Variants in CLSTN2 observed in about 807,000 individuals in gnomAD.
CLSTN2 encodes calsyntenin-2.
A neutral mutation model predicts 101.2 loss-of-function variants in CLSTN2; 48 were observed. The observed-to-expected ratio is 0.47, with a 90% CI of 0.38 to 0.60. CLSTN2 has a LOEUF of 0.60. Among genes scored for constraint, CLSTN2 ranks in the 20% least tolerant of loss-of-function variants. CLSTN2 has a pLI of 0.00. For synonymous variants in CLSTN2, 481 were observed against 463.6 expected, an observed-to-expected ratio of 1.04 and a Z score of -0.48; for missense variants, 1,160 against 1,238.2, an observed-to-expected ratio of 0.94 and a Z score of 0.95.
chr3:140,464,264 T>G (rs1933633452), intron 7 of CLSTN2, among the ~76,000 whole-genome samples: 1 of 152,330 alleles, frequency 6.6e-6, no homozygotes, highest in East Asian at 1.9e-4. Flanking sequence ...CTTTCCCTAT[T>G]GTGGGCCACC....
Position 139,935,302 on chromosome 3 carries a change from G to A in CLSTN2, c.-73G>A, listed in dbSNP as rs922833496. On this transcript the variant is annotated 5_prime_UTR_variant, in exon 1 of 17. Transcript: ENST00000458420. The surrounding 1 kb of genome is among the most constrained non-coding windows in gnomAD (Gnocchi z 5.5). ...GGCACGGCGAGGCGGCCCACGGTGC[G>A]GCAGGCACCGGGAGGCGAGAGCCGG... 8 of 802,826 alleles carry A rather than the reference G, an allele frequency of 1.0e-5. No individual in the cohort carries two copies. Among genetic ancestry groups the A allele is most frequent in the African/African-American group, 1.8e-5 (1 of 55,934 alleles). The allele number at this position is 802,826 out of a possible 1,614,324, so 49.7% of individuals were successfully genotyped here. A position where few individuals can be genotyped will look rare whatever the true frequency, so the allele number is the denominator to read the frequency against.
At position 140,022,086 on chromosome 3, in the gene CLSTN2, A is replaced by C. The variant is rs572577871; in HGVS notation, c.109+86603A>C. ...AACTCTGGGTCCTCCAGTGTGGAGGACTCACTGGGCAGCAGTGGGAATGGG... is the reference window on the plus strand; with the variant it reads ...AACTCTGGGTCCTCCAGTGTGGAGGCCTCACTGGGCAGCAGTGGGAATGGG... On this transcript the variant is annotated intron_variant, in intron 1 of 16. Transcript: ENST00000458420. Among the ~76,000 whole-genome samples, 19 of 152,096 alleles carry C rather than the reference A, an allele frequency of 1.2e-4. No homozygotes were observed. In the South Asian group the frequency reaches 3.9e-3, roughly 32 times the overall value.
At chr3:139,984,941 C>T (rs904548538) in intron 1 of CLSTN2, among the ~76,000 whole-genome samples, 3 of 152,300 alleles carry the variant, frequency 2.0e-5, no homozygotes, top group African/African-American at 2.4e-5. Flanking sequence ...ACCACAGCTG[C>T]TCCAGCCAAA....
chr3:139,977,804 A>G (rs1935845700), intron 1 of CLSTN2, among the ~76,000 whole-genome samples: 1 of 152,208 alleles, frequency 6.6e-6, no homozygotes, highest in African/African-American at 2.4e-5. Context: ...GCTTCTGTAT[A>G]CTGGCCAGGG....
At chr3:140,497,639 G>A (rs1698146393) in intron 8 of CLSTN2, among the ~76,000 whole-genome samples, 1 of 152,162 alleles carries the variant, frequency 6.6e-6, no homozygotes, top group East Asian at 1.9e-4. Flanking sequence ...TCCACAGAAC[G>A]ACACTTCTCA....
intron 1 of CLSTN2, among the ~76,000 whole-genome samples, chr3:139,938,010 G>T (rs1191243303): frequency 2.0e-5 from 3 of 151,936 alleles, no homozygotes; most frequent in Non-Finnish European, 4.4e-5. Flanking sequence ...CAATGCACTT[G>T]CATTTTATGT....
intron 2 of CLSTN2, among the ~76,000 whole-genome samples, chr3:140,244,093 A>G (rs1489903697): frequency 2.0e-5 from 3 of 152,222 alleles, no homozygotes; most frequent in African/African-American, 7.2e-5. Flanking sequence ...GTGCTAAGGG[A>G]AGAAGCGCTT....
At chr3:140,424,937 A>G (rs1338519708) in intron 5 of CLSTN2, among the ~76,000 whole-genome samples, 2 of 151,224 alleles carry the variant, frequency 1.3e-5, no homozygotes, top group Admixed American at 6.6e-5. Flanking sequence ...ATGAGCCTCA[A>G]CCCCCTCAGA....
intron 2 of CLSTN2, among the ~76,000 whole-genome samples, chr3:140,297,303 T>G (rs1406443263): frequency 1.3e-5 from 2 of 152,310 alleles, no homozygotes; most frequent in African/African-American, 2.4e-5. Context: ...TAGAATCTCA[T>G]GCCCACTGCT....
chr3:140,403,386 C>T (rs1326106974), intron 2 of CLSTN2, among the ~76,000 whole-genome samples: 2 of 152,178 alleles, frequency 1.3e-5, no homozygotes, highest in Non-Finnish European at 2.9e-5. Context: ...TTAGTGAGCA[C>T]ACACATCACT....
intron 1 of CLSTN2, among the ~76,000 whole-genome samples, chr3:140,115,479 T>A (rs1442430267): frequency 6.6e-6 from 1 of 152,138 alleles, no homozygotes; most frequent in Non-Finnish European, 1.5e-5. Flanking sequence ...AGAAGAGGCC[T>A]CACTCCCTGC....
rs1047374163 is a variant in CLSTN2 at position 140,073,028 on chromosome 3, C to T, written c.110-102923C>T. 5.3e-5 allele frequency among the ~76,000 whole-genome samples: 8 copies of T among 152,170 alleles called. No individual in the cohort carries two copies. The South Asian group carries it at 6.2e-4, about 12-fold the overall frequency. On this transcript the variant is annotated intron_variant, in intron 1 of 16. Coordinates refer to ENST00000458420, the MANE Select transcript of CLSTN2 (RefSeq NM_022131.3). ...CTCCACAGATGACCATGATGTCATT[C>T]GATCTTAATTTGCAGCGACTGTCCT...
At chr3:140,489,562 G>C (rs954270441) in intron 8 of CLSTN2, among the ~76,000 whole-genome samples, 1 of 152,196 alleles carries the variant, frequency 6.6e-6, no homozygotes, top group East Asian at 1.9e-4. Flanking sequence ...ACTGGGCCTG[G>C]GGGTAGTGGA....
At chr3:140,090,547 G>C (rs1327424825) in intron 1 of CLSTN2, among the ~76,000 whole-genome samples, 1 of 152,148 alleles carries the variant, frequency 6.6e-6, no homozygotes, top group East Asian at 1.9e-4. Flanking sequence ...GCTTAATGCT[G>C]TCTAGTGTAT....
intron 1 of CLSTN2, among the ~76,000 whole-genome samples, chr3:140,142,656 C>A (rs1170712271): frequency 6.6e-6 from 1 of 152,140 alleles, no homozygotes; most frequent in African/African-American, 2.4e-5. Flanking sequence ...TGTCATTCTG[C>A]CTTTATCTGG....
intron 2 of CLSTN2, among the ~76,000 whole-genome samples, chr3:140,181,238 G>T (rs1421703038): frequency 6.6e-6 from 1 of 152,170 alleles, no homozygotes; most frequent in African/African-American, 2.4e-5. Flanking sequence ...TGTAGATTAA[G>T]TAAGATACTA....
At chr3:139,964,567 G>C (rs1184003381) in intron 1 of CLSTN2, among the ~76,000 whole-genome samples, 1 of 152,114 alleles carries the variant, frequency 6.6e-6, no homozygotes, top group Non-Finnish European at 1.5e-5. Flanking sequence ...GCCTTGGCAG[G>C]GGGGTCAAGG....
chr3:140,458,797 T>TC (rs1361107139), intron 6 of CLSTN2, among the ~76,000 whole-genome samples: 1 of 152,154 alleles, frequency 6.6e-6, no homozygotes, highest in Non-Finnish European at 1.5e-5. Flanking sequence ...CATTCAGCCC[T>TC]CACAACTCGC....
chr3:140,507,035 G>A (rs1311838586), intron 8 of CLSTN2: 1 of 152,292 alleles, frequency 6.6e-6, no homozygotes, highest in East Asian at 1.9e-4. Flanking sequence ...GGCTGGTGCA[G>A]TCACACTGGT....
Sources: allele counts gnomAD v4.1 joint callset (sites outside exome capture counted in the v4.1 genomes callset), GRCh38; gene constraint gnomAD v4.1.1; non-coding constraint Gnocchi (gnomAD v3.1); transcripts MANE v1.5; gene names NCBI Gene and HGNC (gene_info 2026-07-23, HGNC 2026-07-21).